AKAP19: variants seen among roughly 807,000 people sequenced by gnomAD.
AKAP19 encodes A-kinase anchoring protein 19, also known as small A-kinase anchoring protein.
chr2:189,996,218 T>C, the AKAP19 span, among the ~76,000 whole-genome samples: 1 of 152,234 alleles, frequency 6.6e-6, no homozygotes, highest in African/African-American at 2.4e-5. Context: ...CTCTTCTTCC[T>C]CAGGAGCACT....
the AKAP19 span, among the ~76,000 whole-genome samples, chr2:189,925,867 T>C: frequency 6.6e-6 from 1 of 152,122 alleles, no homozygotes; most frequent in Admixed American, 6.5e-5. Context: ...GAAAAGACCA[T>C]TTCATGAAGG....
chr2:190,137,644 G>C, the AKAP19 span: 1 of 152,138 alleles, frequency 6.6e-6, no homozygotes, highest in Non-Finnish European at 1.5e-5. Context: ...AACTACACAG[G>C]AGCAGAAAAA....
At chr2:189,970,640 T>C in the AKAP19 span, among the ~76,000 whole-genome samples, 48 of 152,212 alleles carry the variant, frequency 3.2e-4, no homozygotes, top group African/African-American at 1.1e-3. Context: ...CAATTTAGCT[T>C]ATCAAGAACA....
chr2:189,900,382 T>G, the AKAP19 span, among the ~76,000 whole-genome samples: 1 of 152,162 alleles, frequency 6.6e-6, no homozygotes, highest in Non-Finnish European at 1.5e-5. Context: ...TATTATCACA[T>G]GTATTCCCCC....
At chr2:189,897,392 A>G in the AKAP19 span, among the ~76,000 whole-genome samples, 2 of 152,122 alleles carry the variant, frequency 1.3e-5, no homozygotes, top group South Asian at 2.1e-4. Flanking sequence ...GATACTGTAA[A>G]TTACAGTTAA....
At chr2:190,031,732 T>C in the AKAP19 span, among the ~76,000 whole-genome samples, 1 of 152,194 alleles carries the variant, frequency 6.6e-6, no homozygotes, top group Non-Finnish European at 1.5e-5. Flanking sequence ...AGTAACAGCA[T>C]TGCTGAGCCT....
the AKAP19 span, among the ~76,000 whole-genome samples, chr2:190,199,095 CA>C: frequency 6.6e-6 from 1 of 152,054 alleles, no homozygotes; most frequent in South Asian, 2.1e-4. Flanking sequence ...AATATGTGAC[CA>C]GGGGATAAAG....
chr2:190,060,086 G>A, the AKAP19 span: 9 of 1,612,488 alleles, frequency 5.6e-6, no homozygotes, highest in Non-Finnish European at 7.6e-6. Context: ...CTGGTCCTGG[G>A]AAGGTTACAG....
the AKAP19 span, among the ~76,000 whole-genome samples, chr2:190,120,935 T>C: frequency 3.3e-5 from 5 of 152,184 alleles, no homozygotes; most frequent in Admixed American, 3.3e-4. Flanking sequence ...AGATCTGACA[T>C]ATAGTAGGTT....
chr2:190,138,495 TAA>T, the AKAP19 span, among the ~76,000 whole-genome samples: 1 of 152,240 alleles, frequency 6.6e-6, no homozygotes, highest in Non-Finnish European at 1.5e-5. Flanking sequence ...ACTAAATACT[TAA>T]GTGTACACTT....
the AKAP19 span, among the ~76,000 whole-genome samples, chr2:190,153,172 G>A: frequency 1.3e-5 from 2 of 152,198 alleles, no homozygotes; most frequent in Non-Finnish European, 2.9e-5. Flanking sequence ...TGGGATTACA[G>A]GCATGAGCCA....
At chr2:190,134,675 A>G in the AKAP19 span, among the ~76,000 whole-genome samples, 3 of 152,136 alleles carry the variant, frequency 2.0e-5, no homozygotes, top group African/African-American at 4.8e-5. Flanking sequence ...CAGATCTCCA[A>G]TGGTTATTTA....
the AKAP19 span, among the ~76,000 whole-genome samples, chr2:189,972,588 A>G: frequency 6.6e-6 from 1 of 152,190 alleles, no homozygotes; most frequent in Admixed American, 6.5e-5. Context: ...GGCCATTTTC[A>G]TGATACTGAT....
chr2:190,118,577 A>C, the AKAP19 span, among the ~76,000 whole-genome samples: 1 of 152,228 alleles, frequency 6.6e-6, no homozygotes, highest in Admixed American at 6.5e-5. Flanking sequence ...GCAAATCAAT[A>C]AACGTAATCC....
chr2:189,977,727 C>G, the AKAP19 span, among the ~76,000 whole-genome samples: 7 of 152,104 alleles, frequency 4.6e-5, no homozygotes, highest in Admixed American at 4.6e-4. Context: ...TGGACTGAAT[C>G]TTGGGGTACT....
the AKAP19 span, among the ~76,000 whole-genome samples, chr2:190,136,339 T>G: frequency 0.7 from 106,300 of 152,080 alleles, 37,532 homozygotes; most frequent in East Asian, 0.93. Context: ...AGCAGCTAGG[T>G]GACTGCCTGG....
the AKAP19 span, among the ~76,000 whole-genome samples, chr2:190,006,105 G>A: frequency 6.6e-6 from 1 of 152,210 alleles, no homozygotes; most frequent in African/African-American, 2.4e-5. Context: ...TGAGAAGGCA[G>A]ACGAATAACA....
the AKAP19 span, among the ~76,000 whole-genome samples, chr2:189,992,348 T>A: frequency 6.6e-6 from 1 of 152,056 alleles, no homozygotes; most frequent in Non-Finnish European, 1.5e-5. Context: ...AAGCCACCAC[T>A]CCTGGCCACA....
At chr2:189,980,579 C>T in the AKAP19 span, among the ~76,000 whole-genome samples, 1 of 152,186 alleles carries the variant, frequency 6.6e-6, no homozygotes, top group Non-Finnish European at 1.5e-5. Flanking sequence ...AAGTGAGCTG[C>T]CCGCCTCAGC....
Sources: allele counts gnomAD v4.1 joint callset (sites outside exome capture counted in the v4.1 genomes callset), GRCh38; gene constraint gnomAD v4.1.1; transcripts MANE v1.5; gene names NCBI Gene and HGNC (gene_info 2026-07-23, HGNC 2026-07-21).